NHSL3: variants seen among roughly 807,000 people sequenced by gnomAD.
NHSL3 encodes NHS-like protein 3.
chr1:32,742,150 G>A, the NHSL3 span: 1 of 1,244,606 alleles, frequency 8.0e-7, no homozygotes, highest in East Asian at 3.2e-5. Context: ...GGCCAAGAAG[G>A]CGGAGGACAA....
At chr1:32,761,109 GTA>G in the NHSL3 span, among the ~76,000 whole-genome samples, 8 of 152,168 alleles carry the variant, frequency 5.3e-5, no homozygotes, top group Non-Finnish European at 7.4e-5. Flanking sequence ...TGGGGGTGTG[GTA>G]TGGGATGCTT....
At chr1:32,770,622 T>C in the NHSL3 span, 26 of 1,516,150 alleles carry the variant, frequency 1.7e-5, no homozygotes, top group Non-Finnish European at 2.3e-5. This position sits in a 1 kb window ranked among gnomAD's most constrained non-coding sequence, Gnocchi z 8.3. Flanking sequence ...TTCGGAGCAG[T>C]GGGCAGTTGT....
At chr1:32,770,050 A>G in the NHSL3 span, 210,117 of 1,573,272 alleles carry the variant, frequency 0.13, 15,864 homozygotes, top group African/African-American at 0.26. This position sits in a 1 kb window ranked among gnomAD's most constrained non-coding sequence, Gnocchi z 8.3. Context: ...GACAGAGGCC[A>G]TGCTGCAGCG....
the NHSL3 span, among the ~76,000 whole-genome samples, chr1:32,749,752 C>G: frequency 3.3e-5 from 5 of 152,104 alleles, no homozygotes; most frequent in African/African-American, 9.7e-5. Context: ...CCTTCCAGCT[C>G]TCTCTCCCTC....
At chr1:32,760,588 G>GT in the NHSL3 span, among the ~76,000 whole-genome samples, 15,088 of 138,596 alleles carry the variant, frequency 0.11, 932 homozygotes, top group South Asian at 0.15. Flanking sequence ...GTGTGTGTGT[G>GT]TTTTTTTTTT....
the NHSL3 span, chr1:32,772,833 C>T: frequency 6.2e-7 from 1 of 1,612,910 alleles, no homozygotes; most frequent in South Asian, 1.1e-5. Flanking sequence ...CAGGAGGCCC[C>T]TTGCTAAGTG....
At chr1:32,746,492 C>T in the NHSL3 span, among the ~76,000 whole-genome samples, 6 of 152,052 alleles carry the variant, frequency 3.9e-5, no homozygotes, top group African/African-American at 1.4e-4. Flanking sequence ...CTATATATAC[C>T]CTGGCCAGGC....
the NHSL3 span, among the ~76,000 whole-genome samples, chr1:32,754,371 A>C: frequency 6.6e-6 from 1 of 152,010 alleles, no homozygotes; most frequent in Admixed American, 6.5e-5. Flanking sequence ...GGGCACACGT[A>C]CATGTTCGCA....
At chr1:32,762,056 T>G in the NHSL3 span, among the ~76,000 whole-genome samples, 1 of 152,204 alleles carries the variant, frequency 6.6e-6, no homozygotes, top group Non-Finnish European at 1.5e-5. Flanking sequence ...CCCTCTGGTT[T>G]CCATTTCCTC....
chr1:32,771,252 T>C, the NHSL3 span: 1 of 1,612,142 alleles, frequency 6.2e-7, no homozygotes, highest in African/African-American at 1.3e-5. Context: ...CCGCCCCTGC[T>C]GTGGTTCCTG....
chr1:32,769,203 G>T, the NHSL3 span, among the ~76,000 whole-genome samples: 1 of 151,724 alleles, frequency 6.6e-6, no homozygotes, highest in South Asian at 2.1e-4. Context: ...GCAGTGAGCC[G>T]AGATTGCACC....
the NHSL3 span, chr1:32,771,171 C>T: frequency 6.2e-7 from 1 of 1,611,638 alleles, no homozygotes; most frequent in Non-Finnish European, 8.5e-7. Flanking sequence ...CTCCTCACCC[C>T]AAGGTGCCTG....
the NHSL3 span, among the ~76,000 whole-genome samples, chr1:32,743,087 A>G: frequency 6.6e-6 from 1 of 151,902 alleles, no homozygotes; most frequent in African/African-American, 2.4e-5. Context: ...GCCTTCCCTC[A>G]TTTTCCAGTT....
At chr1:32,761,084 C>T in the NHSL3 span, among the ~76,000 whole-genome samples, 1 of 152,190 alleles carries the variant, frequency 6.6e-6, no homozygotes, top group African/African-American at 2.4e-5. Flanking sequence ...CCTCCTCCCC[C>T]AGGCATGTTG....
At chr1:32,771,701 C>G in the NHSL3 span, 1 of 1,612,440 alleles carries the variant, frequency 6.2e-7, no homozygotes, top group Non-Finnish European at 8.5e-7. Context: ...GCTCCGCCAG[C>G]CCCAGCTCCT....
chr1:32,752,500 A>G, the NHSL3 span, among the ~76,000 whole-genome samples: 3 of 152,160 alleles, frequency 2.0e-5, no homozygotes, highest in East Asian at 1.9e-4. Context: ...TGCCCAGGCA[A>G]TGGGGCCCTG....
chr1:32,743,732 CTG>C, the NHSL3 span, among the ~76,000 whole-genome samples: 5 of 152,238 alleles, frequency 3.3e-5, no homozygotes, highest in African/African-American at 1.2e-4. Context: ...CTGTAGGTCA[CTG>C]CTCCAACAGC....
chr1:32,742,500 G>C, the NHSL3 span, among the ~76,000 whole-genome samples: 149,322 of 152,360 alleles, frequency 0.98, 73,242 homozygotes, highest in East Asian at 1. Context: ...CAGGCTCACC[G>C]AGGTTCTGCC....
chr1:32,772,415 A>C, the NHSL3 span: 10 of 1,532,790 alleles, frequency 6.5e-6, no homozygotes, highest in Non-Finnish European at 7.9e-6. Flanking sequence ...GTGGGCCCAG[A>C]GGAGAAGATG....
Sources: gnomAD v4.1 joint callset for allele counts (sites outside exome capture counted in the v4.1 genomes callset) on GRCh38, gnomAD v4.1.1 for gene constraint, Gnocchi (gnomAD v3.1) non-coding constraint, MANE v1.5 for transcripts, NCBI Gene and HGNC (gene_info 2026-07-23, HGNC 2026-07-21) for gene names.